Variants in CNTN5 observed in about 807,000 individuals in gnomAD.
CNTN5 encodes the protein contactin-5.
CNTN5 carries 77 observed loss-of-function variants against 129.1 expected under a neutral mutation model. The ratio of observed to expected loss-of-function variants is 0.60; its 90% CI spans 0.50 to 0.72. CNTN5 has a LOEUF of 0.72. Among genes scored for constraint, CNTN5 ranks in the 30% least tolerant of loss-of-function variants. The probability of loss-of-function intolerance (pLI) is 0.00; values close to 1 mark genes in which losing one functional copy is unlikely to be tolerated. For synonymous variants in CNTN5, 509 were observed against 465.6 expected, an observed-to-expected ratio of 1.09 and a Z score of -1.20; for missense variants, 1,478 against 1,328.8, an observed-to-expected ratio of 1.11 and a Z score of -1.75.
intron 3 of CNTN5, among the ~76,000 whole-genome samples, chr11:99,735,795 G>A (rs1032772698): frequency 6.6e-6 from 1 of 152,156 alleles, no homozygotes; most frequent in Non-Finnish European, 1.5e-5. Flanking sequence ...TGTGTGTGTA[G>A]AGAACATAAA....
intron 13 of CNTN5, among the ~76,000 whole-genome samples, chr11:100,169,155 T>TAAAG (rs1947747211): frequency 6.6e-6 from 1 of 151,966 alleles, no homozygotes; most frequent in African/African-American, 2.4e-5. Context: ...TGAACACTGA[T>TAAAG]AAAGAAAGAA....
chr11:99,113,419 GA>G, intron 1 of CNTN5, among the ~76,000 whole-genome samples: 1 of 152,118 alleles, frequency 6.6e-6, no homozygotes, highest in South Asian at 2.1e-4. Context: ...CAGTAGTGAG[GA>G]AAGGGGGAGA....
intron 3 of CNTN5, among the ~76,000 whole-genome samples, chr11:99,734,284 T>C (rs1427271361): frequency 1.3e-5 from 2 of 152,198 alleles, no homozygotes; most frequent in Admixed American, 6.5e-5. Flanking sequence ...AATAAATTAT[T>C]GTTGACTGTA....
rs77980851 is a variant in CNTN5 at position 100,319,982 on chromosome 11, A to G, written c.2730+11514A>G. Among the ~76,000 whole-genome samples, 315 of 152,280 alleles carry G rather than the reference A, an allele frequency of 2.1e-3. 8 individuals carry two copies. In the East Asian group the frequency reaches 0.057, roughly 28 times the overall value. On this transcript the variant is annotated intron_variant, in intron 21 of 24. Coordinates refer to ENST00000524871, the MANE Select transcript of CNTN5 (RefSeq NM_014361.4). ...CTGTTGATGGACAAGATATGATTCCATATGTTGGCTATCGTGAATAGTGTT... is the reference window on the plus strand; with the variant it reads ...CTGTTGATGGACAAGATATGATTCCGTATGTTGGCTATCGTGAATAGTGTT...
intron 8 of CNTN5, among the ~76,000 whole-genome samples, chr11:99,975,257 A>G (rs79493829): frequency 0.071 from 10,761 of 152,238 alleles, 786 homozygotes; most frequent in East Asian, 0.32. Flanking sequence ...TCTGGATGTG[A>G]GACATGGAGT....
chr11:99,168,559 G>C (rs1860993979), intron 1 of CNTN5, among the ~76,000 whole-genome samples: 1 of 117,608 alleles, frequency 8.5e-6, no homozygotes, highest in Non-Finnish European at 1.9e-5. Flanking sequence ...CAGCCTGGGT[G>C]ACAGACTGAG....
intron 1 of CNTN5, among the ~76,000 whole-genome samples, chr11:99,108,189 G>C (rs1214230357): frequency 6.6e-6 from 1 of 152,078 alleles, no homozygotes; most frequent in Non-Finnish European, 1.5e-5. Context: ...TATAACAAAG[G>C]CTTTTTGTAA....
At chr11:99,076,267 A>G (rs758252112) in intron 1 of CNTN5, among the ~76,000 whole-genome samples, 5 of 152,118 alleles carry the variant, frequency 3.3e-5, no homozygotes, top group Non-Finnish European at 7.4e-5. Flanking sequence ...CCTGGGAGCT[A>G]GAGGCTGCAG....
chr11:99,127,929 C>T (rs1407940454), intron 1 of CNTN5, among the ~76,000 whole-genome samples: 1 of 152,084 alleles, frequency 6.6e-6, no homozygotes, highest in African/African-American at 2.4e-5. Flanking sequence ...TTCTTCAGGG[C>T]TCTCTACTGG....
intron 16 of CNTN5, among the ~76,000 whole-genome samples, chr11:100,234,015 T>C (rs1164064772): frequency 1.3e-5 from 2 of 152,054 alleles, no homozygotes; most frequent in Non-Finnish European, 2.9e-5. Context: ...CAAAAGAAGA[T>C]ATTTATGCAG....
At chr11:99,757,997 G>GA (rs1265097311) in intron 3 of CNTN5, among the ~76,000 whole-genome samples, 1 of 152,008 alleles carries the variant, frequency 6.6e-6, no homozygotes, top group Admixed American at 6.6e-5. Context: ...CTTAATTGTA[G>GA]AAGCAGTATT....
chr11:99,971,894 C>A (rs926058663), intron 8 of CNTN5, among the ~76,000 whole-genome samples: 4 of 150,610 alleles, frequency 2.7e-5, no homozygotes, highest in Non-Finnish European at 5.9e-5. Flanking sequence ...AGCAGGCCAG[C>A]ACTCAATAAT....
chr11:99,371,967 G>T (rs763470011), intron 2 of CNTN5, among the ~76,000 whole-genome samples: 1 of 152,180 alleles, frequency 6.6e-6, no homozygotes, highest in Non-Finnish European at 1.5e-5. Flanking sequence ...AGTACAAAAT[G>T]CTGTAAGTGA....
At chr11:99,745,746 A>G (rs1186260052) in intron 3 of CNTN5, among the ~76,000 whole-genome samples, 2 of 150,780 alleles carry the variant, frequency 1.3e-5, no homozygotes, top group Admixed American at 1.3e-4. Context: ...TTTTCAATTC[A>G]ATAGTTAATT....
chr11:99,957,110 A>T (rs1591479743), intron 8 of CNTN5, 101 bp downstream of exon 8: 2 of 1,033,996 alleles, frequency 1.9e-6, no homozygotes, highest in East Asian at 2.6e-5. Flanking sequence ...CTTACAAATA[A>T]AATAAAAAGG....
At chr11:100,333,424 A>AAC (rs1951953044) in intron 21 of CNTN5, among the ~76,000 whole-genome samples, 1 of 150,616 alleles carries the variant, frequency 6.6e-6, no homozygotes, top group Non-Finnish European at 1.5e-5. Context: ...AAAAAAAAAA[A>AAC]AAAAAAAACA....
At chr11:99,594,351 G>A (rs1159270907) in intron 3 of CNTN5, among the ~76,000 whole-genome samples, 1 of 152,036 alleles carries the variant, frequency 6.6e-6, no homozygotes, top group African/African-American at 2.4e-5. Flanking sequence ...GACAAGTGAG[G>A]CTTTAACACT....
chr11:99,243,970 A>G (rs137998700), intron 1 of CNTN5, among the ~76,000 whole-genome samples: 103 of 152,082 alleles, frequency 6.8e-4, no homozygotes, highest in Non-Finnish European at 4.4e-4. Context: ...TTTCACATGA[A>G]TTTAGGAATA....
At chr11:100,169,518 T>C (rs1295387029) in intron 13 of CNTN5, among the ~76,000 whole-genome samples, 1 of 152,012 alleles carries the variant, frequency 6.6e-6, no homozygotes, top group East Asian at 1.9e-4. Flanking sequence ...GCGAAAAGAT[T>C]AGAACTGGCT....
Sources: gnomAD v4.1 joint callset for allele counts (sites outside exome capture counted in the v4.1 genomes callset) on GRCh38, gnomAD v4.1.1 for gene constraint, MANE v1.5 for transcripts, NCBI Gene and HGNC (gene_info 2026-07-23, HGNC 2026-07-21) for gene names.